The following MRPL48 variants were observed in gnomAD, a reference collection of about 807,000 sequenced individuals.
MRPL48 encodes the protein mitochondrial ribosomal protein L48, also known as large ribosomal subunit protein mL48.
A neutral mutation model predicts 32.9 loss-of-function variants in MRPL48; 16 were observed. The observed-to-expected ratio is 0.49, with a 90% CI of 0.33 to 0.74. The LOEUF (loss-of-function observed/expected upper bound fraction) is 0.74. Among genes scored for constraint, MRPL48 ranks in the 30% least tolerant of loss-of-function variants. The pLI is 0.02. For missense variants in MRPL48, 206 were observed against 245.3 expected, an observed-to-expected ratio of 0.84 and a Z score of 1.07; for synonymous variants, 94 against 89.2, an observed-to-expected ratio of 1.05 and a Z score of -0.31.
intron 1 of MRPL48, among the ~76,000 whole-genome samples, chr11:73,797,377 T>C (rs1947275225): frequency 6.6e-6 from 1 of 152,252 alleles, no homozygotes; most frequent in Admixed American, 6.5e-5. Flanking sequence ...AGGGCTGAGA[T>C]GTGCCCCTTT....
At chr11:73,803,589 G>T (rs938272946) in intron 1 of MRPL48, among the ~76,000 whole-genome samples, 4 of 151,940 alleles carry the variant, frequency 2.6e-5, no homozygotes, top group Non-Finnish European at 5.9e-5. Context: ...CTTTTCCGTA[G>T]GCTCCTCTTG....
chr11:73,834,234 T>C (rs1948047432), intron 4 of MRPL48, among the ~76,000 whole-genome samples: 1 of 152,204 alleles, frequency 6.6e-6, no homozygotes. Flanking sequence ...CCTTCCTACA[T>C]GAATTGTGGT....
chr11:73,861,536 A>G (rs1467593931), intron 6 of MRPL48, among the ~76,000 whole-genome samples: 2 of 151,888 alleles, frequency 1.3e-5, no homozygotes, highest in Non-Finnish European at 2.9e-5. Context: ...TGCCCAGCTA[A>G]TTTTGTATTT....
intron 1 of MRPL48, among the ~76,000 whole-genome samples, chr11:73,803,278 G>A (rs1410215069): frequency 1.3e-5 from 2 of 151,338 alleles, no homozygotes; most frequent in Middle Eastern, 3.2e-3. Flanking sequence ...CTACAGGCAC[G>A]CACCACCACC....
At chr11:73,828,050 G>A (rs1307388373) in intron 4 of MRPL48, among the ~76,000 whole-genome samples, 1 of 151,966 alleles carries the variant, frequency 6.6e-6, no homozygotes, top group East Asian at 1.9e-4. Flanking sequence ...AGAGTCCATA[G>A]TTTTTATCAG....
chr11:73,825,454 C>T (rs1008071490), intron 3 of MRPL48, among the ~76,000 whole-genome samples: 1 of 151,792 alleles, frequency 6.6e-6, no homozygotes, highest in African/African-American at 2.4e-5. Context: ...TAGCAAGACT[C>T]CAGCTCTACA....
intron 1 of MRPL48, among the ~76,000 whole-genome samples, chr11:73,794,580 C>T (rs977148755): frequency 2.0e-5 from 3 of 151,172 alleles, no homozygotes; most frequent in Admixed American, 2.0e-4. Flanking sequence ...AAATTTAAAT[C>T]AGGTCAGACA....
chr11:73,860,165 C>T (rs1428244561), intron 6 of MRPL48, 156 bp downstream of exon 6: 2 of 590,394 alleles, frequency 3.4e-6, no homozygotes, highest in Non-Finnish European at 5.9e-6. Flanking sequence ...TTTTATAATA[C>T]CTTCCCCCTA....
intron 1 of MRPL48, among the ~76,000 whole-genome samples, chr11:73,799,970 C>G (rs1947327265): frequency 1.3e-5 from 2 of 152,104 alleles, no homozygotes; most frequent in African/African-American, 4.8e-5. Context: ...AAGGGATGGA[C>G]TTTGGATTCA....
At chr11:73,808,597 C>T (rs961893321) in intron 3 of MRPL48, among the ~76,000 whole-genome samples, 7 of 152,188 alleles carry the variant, frequency 4.6e-5, no homozygotes, top group African/African-American at 1.7e-4. Context: ...GGCTATTTCT[C>T]TGTAGCTTGG....
chr11:73,864,358 C>T lies in MRPL48; in HGVS notation c.627C>T (p.Ala209=). The change falls in exon 8 of 8, where the codon GCC becomes GCT. Residue 209 remains alanine (A), a synonymous_variant. Transcript: ENST00000310614. ...KARPELEELL[A]KLK is the part of the protein sequence containing the mutation. The stretch of plus-strand genomic sequence containing the variant: ...GACCAGAACTGGAAGAACTGTTGGC[C>T]AAGTTGAAGTAGCTACTGTAGACCC... The T allele has an allele frequency of 6.2e-7, 1 of 1,613,756 alleles. No individual in the cohort carries two copies.
Position 73,840,427 on chromosome 11 carries a change from G to A in MRPL48, c.202-4380G>A, listed in dbSNP as rs577331873. 9.7e-4 allele frequency among the ~76,000 whole-genome samples: 147 copies of A among 152,228 alleles called. 1 individual carries two copies. The highest frequency in any genetic ancestry group is 6.2e-3 in the South Asian group (30 of 4,806). ...GACGATCACTTGAGCCTAGGAGGTC[G>A]AGGCTGCAGTAAGCTGTGATTGTGC... On this transcript the variant is annotated intron_variant, in intron 4 of 7. Transcript: ENST00000310614.
At chr11:73,796,536 C>T (rs554552133) in intron 1 of MRPL48, among the ~76,000 whole-genome samples, 135 of 152,352 alleles carry the variant, frequency 8.9e-4, no homozygotes, top group South Asian at 3.1e-3. Flanking sequence ...GTGGCCTGCC[C>T]GTGCCCCTTG....
chr11:73,805,050 C>T lies in MRPL48; in HGVS notation c.45C>T (p.Thr15=). 1 of 1,588,194 alleles carries T rather than the reference C, an allele frequency of 6.3e-7. No homozygotes were observed. Residue 15 remains threonine (T), a synonymous_variant, in exon 2 of 8, where the codon ACC becomes ACT. Coordinates refer to ENST00000310614, the MANE Select transcript of MRPL48 (RefSeq NM_016055.6). ...LEKVLCLRNN[T]IFKQAFSLLR... is the part of the protein sequence containing the mutation. ...AGGTGCTGTGCCTGAGGAACAATAC[C>T]ATTTTTAAGCAAGCCTTTTCTCTCT... is the stretch of plus-strand genomic sequence containing the variant.
chr11:73,840,810 C>G (rs577377297), intron 4 of MRPL48, among the ~76,000 whole-genome samples: 155 of 151,318 alleles, frequency 1.0e-3, no homozygotes, highest in African/African-American at 3.7e-3. Flanking sequence ...AACCCTGTCT[C>G]ACAAAAAAAT....
At chr11:73,861,593 T>A (rs1263394016) in intron 6 of MRPL48, among the ~76,000 whole-genome samples, 1 of 152,188 alleles carries the variant, frequency 6.6e-6, no homozygotes, top group East Asian at 1.9e-4. Flanking sequence ...GGTCTCAACC[T>A]ACTGACCTCA....
intron 4 of MRPL48, among the ~76,000 whole-genome samples, chr11:73,836,430 C>G (rs1035620156): frequency 3.9e-5 from 6 of 152,124 alleles, no homozygotes; most frequent in African/African-American, 1.4e-4. Context: ...AACTTCTGAC[C>G]TCAGGTGATC....
At chr11:73,790,374 C>CTTTTTTTTTTTTTTTT (rs759628609) in intron 1 of MRPL48, among the ~76,000 whole-genome samples, 2 of 57,992 alleles carry the variant, frequency 3.4e-5, no homozygotes, top group Non-Finnish European at 6.1e-5. Context: ...CGCACCCGGC[C>CTTTTTTTTTTTTTTTT]TTTTTTTTTT....
chr11:73,815,601 A>C (rs1947650498), intron 3 of MRPL48, among the ~76,000 whole-genome samples: 1 of 152,042 alleles, frequency 6.6e-6, no homozygotes, highest in South Asian at 2.1e-4. Flanking sequence ...GGATCCTTCC[A>C]CCTTGGCCTC....
Sources: gnomAD v4.1 joint callset for allele counts (sites outside exome capture counted in the v4.1 genomes callset) on GRCh38, gnomAD v4.1.1 for gene constraint, MANE v1.5 for transcripts, NCBI Gene and HGNC (gene_info 2026-07-23, HGNC 2026-07-21) for gene names.